GRK3: variants seen among roughly 807,000 people sequenced by gnomAD.
GRK3 encodes the protein G protein-coupled receptor kinase 3, also known as adrenergic, beta, receptor kinase 2.
Under a neutral mutation model 95.7 loss-of-function variants are expected in GRK3, and 54 were observed. That is an observed-to-expected ratio of 0.56 (90% CI 0.45 to 0.71). The LOEUF (loss-of-function observed/expected upper bound fraction) is 0.71. GRK3 is among the 30% of genes least tolerant of loss of function. The probability of loss-of-function intolerance (pLI) is 0.00; values close to 1 mark genes in which losing one functional copy is unlikely to be tolerated. For missense variants in GRK3, 649 were observed against 851.2 expected, an observed-to-expected ratio of 0.76 and a Z score of 2.96; for synonymous variants, 281 against 290.8, an observed-to-expected ratio of 0.97 and a Z score of 0.34.
At chr22:25,624,125 C>A (rs77003220) in intron 2 of GRK3, among the ~76,000 whole-genome samples, 3,398 of 152,042 alleles carry the variant, frequency 0.022, 63 homozygotes, top group Middle Eastern at 0.068. Flanking sequence ...CTTTTTTTTC[C>A]TTATCTTTTA....
rs963248407 is a variant in GRK3 at position 25,720,467 on chromosome 22, CTTTTTTTTTTTTTT to C, written c.1792-803_1792-790del. Among the ~76,000 whole-genome samples, 395 of 102,578 alleles carry C rather than the reference CTTTTTTTTTTTTTT, an allele frequency of 3.9e-3. 2 individuals carry two copies. Among genetic ancestry groups the C allele is most frequent in the African/African-American group, 0.014 (372 of 25,898 alleles). 67.3% of individuals were successfully genotyped at this position (102,578 alleles called of 152,430 possible). On this transcript the variant is annotated intron_variant, in intron 19 of 20. Transcript: ENST00000324198. The stretch of plus-strand genomic sequence containing the variant: ...TCACTTTAAGGAATAATACTATAGA[CTTTTTTTTTTTTTT>C]TTTTTTTTTTTTTGAGACAGAGTCT...
intron 17 of GRK3, among the ~76,000 whole-genome samples, chr22:25,714,090 C>G (rs2085364438): frequency 6.6e-6 from 1 of 152,178 alleles, no homozygotes; most frequent in African/African-American, 2.4e-5. Context: ...AATCTCAGTA[C>G]TTCAAGTAAA....
chr22:25,667,408 C>T (rs975965071), intron 5 of GRK3, among the ~76,000 whole-genome samples: 1 of 152,148 alleles, frequency 6.6e-6, no homozygotes, highest in African/African-American at 2.4e-5. Context: ...GCTTTAAACC[C>T]AGCACCAGGC....
chr22:25,600,364 G>A (rs1403377587), intron 1 of GRK3, among the ~76,000 whole-genome samples: 4 of 151,960 alleles, frequency 2.6e-5, no homozygotes, highest in East Asian at 3.9e-4. Flanking sequence ...GGTCTGGAAC[G>A]TCTGACCTCA....
At chr22:25,662,958 T>C (rs1387919717) in intron 4 of GRK3, among the ~76,000 whole-genome samples, 2 of 152,182 alleles carry the variant, frequency 1.3e-5, no homozygotes, top group Non-Finnish European at 2.9e-5. Context: ...ACAGTAAGAC[T>C]TTCCTTAACT....
chr22:25,643,772 A>T (rs764644014), intron 2 of GRK3, among the ~76,000 whole-genome samples: 8 of 152,172 alleles, frequency 5.3e-5, no homozygotes, highest in Non-Finnish European at 1.2e-4. Flanking sequence ...TGTGTGGTAA[A>T]TATTTTGACA....
At chr22:25,592,820 A>T (rs1241864906) in intron 1 of GRK3, among the ~76,000 whole-genome samples, 1 of 151,290 alleles carries the variant, frequency 6.6e-6, no homozygotes, top group African/African-American at 2.4e-5. Flanking sequence ...CCCGCCATTC[A>T]TCCCTGGTAT....
intron 2 of GRK3, among the ~76,000 whole-genome samples, chr22:25,618,390 T>C (rs1352622879): frequency 1.3e-5 from 2 of 152,236 alleles, no homozygotes; most frequent in African/African-American, 2.4e-5. Flanking sequence ...TTGTCTAATA[T>C]TGATTTAGTC....
At chr22:25,698,673 C>G (rs1008628836) in intron 13 of GRK3, among the ~76,000 whole-genome samples, 2 of 152,148 alleles carry the variant, frequency 1.3e-5, no homozygotes, top group Non-Finnish European at 2.9e-5. Context: ...ATCCTCCAGG[C>G]CCCGAGGCTG....
At position 25,590,308 on chromosome 22, in the gene GRK3, AT is replaced by A. The variant is rs377002592; in HGVS notation, c.114-14058del. Among the ~76,000 whole-genome samples the A allele has an allele frequency of 9.6e-3, 1,421 of 147,274 alleles. 17 individuals are homozygous for A. Among genetic ancestry groups the A allele is most frequent in the African/African-American group, 0.032 (1,286 of 40,438 alleles). ...AGTCAATGCACATTCTCATTTCTCT[AT>A]TTTTTTTTTTAAAGAATACTGTTTT... On this transcript the variant is annotated intron_variant, in intron 1 of 20. Transcript: ENST00000324198.
intron 3 of GRK3, among the ~76,000 whole-genome samples, chr22:25,650,433 T>A (rs1237313858): frequency 6.6e-6 from 1 of 152,154 alleles, no homozygotes; most frequent in Non-Finnish European, 1.5e-5. Context: ...AAGAGCACTT[T>A]TAAAAAAATA....
In GRK3 at chr22:25,710,185, C is replaced by G. The variant is rs146126995; in HGVS notation, c.1395+221C>G. On this transcript the variant is annotated intron_variant, in intron 16 of 20. Coordinates refer to ENST00000324198, the MANE Select transcript of GRK3 (RefSeq NM_005160.4). ...GTTCCCTTTGGGGCATCCTCTCACT[C>G]TTCATTTCTCTAATAGAAACATTTT... is the stretch of plus-strand genomic sequence containing the variant. Among the ~76,000 whole-genome samples the G allele has an allele frequency of 3.3e-5, 5 of 152,294 alleles. No homozygotes were observed. The East Asian group carries it at 9.6e-4, about 29-fold the overall frequency.
At position 25,662,915 on chromosome 22, in the gene GRK3, AT is replaced by A. The variant is rs372760569; in HGVS notation, c.367-708del. ...TTTAATTTTTATCAGTGGGAGCTCC[AT>A]TTTTTTCCCCCTAGTTCCCCTCGCT... On this transcript the variant is annotated intron_variant, in intron 4 of 20. Transcript: ENST00000324198. 5.4e-3 allele frequency among the ~76,000 whole-genome samples: 826 copies of A among 152,008 alleles called. 4 individuals are homozygous for A. The highest frequency in any genetic ancestry group is 0.019 in the African/African-American group (794 of 41,436).
intron 18 of GRK3, among the ~76,000 whole-genome samples, chr22:25,715,849 T>C (rs6519621): frequency 0.16 from 25,051 of 152,190 alleles, 4,683 homozygotes; most frequent in African/African-American, 0.46. Context: ...CTGATGATTT[T>C]CCTGTGGCAT....
chr22:25,647,442 C>A, intron 3 of GRK3: 1 of 1,308,726 alleles, frequency 7.6e-7, no homozygotes, highest in Non-Finnish European at 1.1e-6. Flanking sequence ...TCCATTATAC[C>A]ATTTGGAGGA....
intron 2 of GRK3, among the ~76,000 whole-genome samples, chr22:25,611,534 C>G (rs575030433): frequency 6.6e-6 from 1 of 152,196 alleles, no homozygotes; most frequent in South Asian, 2.1e-4. Flanking sequence ...GAAGTGGTAT[C>G]TTGTTGTGGT....
At chr22:25,670,930 T>C (rs927869212) in intron 6 of GRK3, among the ~76,000 whole-genome samples, 1 of 147,182 alleles carries the variant, frequency 6.8e-6, no homozygotes, top group Non-Finnish European at 1.5e-5. Flanking sequence ...GGCGGGCCCC[T>C]GTAGTCCCAG....
chr22:25,721,031 T>C (rs2085428230), intron 19 of GRK3, among the ~76,000 whole-genome samples: 1 of 152,190 alleles, frequency 6.6e-6, no homozygotes, highest in African/African-American at 2.4e-5. Context: ...ATCAGTTCTG[T>C]GTTGAGGGAA....
chr22:25,719,344 C>T (rs1388550075), intron 19 of GRK3, among the ~76,000 whole-genome samples: 3 of 152,154 alleles, frequency 2.0e-5, no homozygotes, highest in Non-Finnish European at 4.4e-5. Flanking sequence ...CAGACCAGGT[C>T]ATCCTGTGCC....
Sources: gnomAD v4.1 joint callset for allele counts (sites outside exome capture counted in the v4.1 genomes callset) on GRCh38, gnomAD v4.1.1 for gene constraint, MANE v1.5 for transcripts, NCBI Gene and HGNC (gene_info 2026-07-23, HGNC 2026-07-21) for gene names.